Variants in NEO1 observed in about 807,000 individuals in gnomAD.
The protein encoded by NEO1 is neogenin 1.
Under a neutral mutation model 159.7 loss-of-function variants are expected in NEO1, and 63 were observed. That is an observed-to-expected ratio of 0.39 (90% confidence interval 0.32 to 0.49). The LOEUF (loss-of-function observed/expected upper bound fraction) is 0.49. Among genes scored for constraint, NEO1 ranks in the 20% least tolerant of loss-of-function variants. The pLI, the probability that NEO1 is intolerant of heterozygous loss-of-function variation, is 0.85. For missense variants in NEO1, 1,615 were observed against 1,831.0 expected, an observed-to-expected ratio of 0.88 and a Z score of 2.15; for synonymous variants, 633 against 662.0, an observed-to-expected ratio of 0.96 and a Z score of 0.67.
chr15:73,115,493 G>T (rs1339647541), intron 1 of NEO1, among the ~76,000 whole-genome samples: 3 of 152,150 alleles, frequency 2.0e-5, no homozygotes, highest in Non-Finnish European at 4.4e-5. Context: ...TTTCTTTAGA[G>T]GTGTTTGTTC....
chr15:73,225,406 A>G (rs1402092087), intron 7 of NEO1, among the ~76,000 whole-genome samples: 2 of 152,056 alleles, frequency 1.3e-5, no homozygotes, highest in Non-Finnish European at 2.9e-5. Context: ...CAGAGTGAGT[A>G]GGAAAGGACC....
At chr15:73,220,764 C>T (rs1485594584) in intron 7 of NEO1, among the ~76,000 whole-genome samples, 1 of 152,186 alleles carries the variant, frequency 6.6e-6, no homozygotes, top group Non-Finnish European at 1.5e-5. Flanking sequence ...TCGAGCCTTG[C>T]TTTCAGCTCC....
intron 26 of NEO1, among the ~76,000 whole-genome samples, chr15:73,294,830 G>A (rs746373811): frequency 2.9e-4 from 44 of 151,958 alleles, no homozygotes; most frequent in Non-Finnish European, 5.0e-4. Flanking sequence ...GTGAGCTACC[G>A]CGCCCGGTCC....
chr15:73,280,253 T>G (rs1231108843), intron 22 of NEO1, among the ~76,000 whole-genome samples: 1 of 150,546 alleles, frequency 6.6e-6, no homozygotes, highest in South Asian at 2.1e-4. Context: ...ACCACTGCAC[T>G]CCAGCCTGGG....
intron 7 of NEO1, among the ~76,000 whole-genome samples, chr15:73,231,416 G>A (rs1370730767): frequency 6.6e-6 from 1 of 152,058 alleles, no homozygotes; most frequent in Non-Finnish European, 1.5e-5. Flanking sequence ...GTTTGTCTGG[G>A]GCCTGCTTCC....
intron 5 of NEO1, among the ~76,000 whole-genome samples, chr15:73,152,986 A>G (rs1015720513): frequency 1.3e-5 from 2 of 152,172 alleles, no homozygotes; most frequent in Non-Finnish European, 2.9e-5. Flanking sequence ...GAGAAGTCCC[A>G]TGTTCTGCTG....
intron 12 of NEO1, 95 bp downstream of exon 12, chr15:73,253,544 A>G: frequency 1.3e-6 from 1 of 766,026 alleles, no homozygotes; most frequent in Non-Finnish European, 2.1e-6. Context: ...AAAGCATCAA[A>G]ATAAATGAAT....
chr15:73,161,856 A>G lies in NEO1; in HGVS notation c.1016-14547A>G, dbSNP rs188792210. On this transcript the variant is annotated intron_variant, in intron 5 of 28. Transcript: ENST00000261908. ...AAGCAATTCTTTATATAATTGACGA[A>G]CTTGGCTTCCACTTTGGGAAGAAAA... The G allele has an allele frequency of 7.7e-3, 1,730 of 223,434 alleles. 15 individuals are homozygous for G. Among genetic ancestry groups the G allele is most frequent in the Non-Finnish European group, 0.012 (1,296 of 109,756 alleles). 13.8% of individuals were successfully genotyped at this position (223,434 alleles called of 1,614,324 possible).
intron 8 of NEO1, among the ~76,000 whole-genome samples, chr15:73,238,600 T>C (rs917447794): frequency 6.6e-6 from 1 of 151,832 alleles, no homozygotes; most frequent in African/African-American, 2.4e-5. Context: ...GAAGAAAATA[T>C]AGAAATGATT....
intron 4 of NEO1, among the ~76,000 whole-genome samples, chr15:73,127,209 C>T (rs1596074349): frequency 1.3e-5 from 2 of 148,402 alleles, no homozygotes; most frequent in South Asian, 2.1e-4. Context: ...CTAGCCTGGG[C>T]GAGAGACCTA....
chr15:73,072,065 C>T (rs774357046), intron 1 of NEO1, among the ~76,000 whole-genome samples: 2 of 152,128 alleles, frequency 1.3e-5, no homozygotes, highest in Non-Finnish European at 2.9e-5. Context: ...ATTCTCCTGC[C>T]TCAGCCTCCT....
chr15:73,140,010 A>G (rs555953797), intron 5 of NEO1, among the ~76,000 whole-genome samples: 1 of 152,402 alleles, frequency 6.6e-6, no homozygotes, highest in Non-Finnish European at 1.5e-5. Context: ...AGACTTGAAC[A>G]TCGACCTGGA....
intron 9 of NEO1, among the ~76,000 whole-genome samples, chr15:73,245,800 C>A (rs1171141124): frequency 7.3e-5 from 11 of 151,160 alleles, no homozygotes; most frequent in Non-Finnish European, 1.6e-4. Flanking sequence ...CTAGGATGGT[C>A]TCAATCTCCT....
At chr15:73,208,462 G>A (rs2037357637) in intron 7 of NEO1, among the ~76,000 whole-genome samples, 1 of 152,120 alleles carries the variant, frequency 6.6e-6, no homozygotes. Context: ...CTAGTGTTTA[G>A]TAGAACTTTA....
intron 16 of NEO1, among the ~76,000 whole-genome samples, chr15:73,267,492 A>G (rs1245526306): frequency 6.7e-6 from 1 of 149,952 alleles, no homozygotes; most frequent in East Asian, 2.0e-4. Context: ...GCACCCATTA[A>G]CTCTTCATTT....
chr15:73,261,981 A>T (rs963577243), intron 15 of NEO1, among the ~76,000 whole-genome samples: 2 of 152,202 alleles, frequency 1.3e-5, no homozygotes, highest in South Asian at 4.1e-4. Context: ...GTATATAGTC[A>T]GTTGGTTTTT....
chr15:73,107,837 G>T (rs1045424981), intron 1 of NEO1, among the ~76,000 whole-genome samples: 1 of 152,158 alleles, frequency 6.6e-6, no homozygotes, highest in African/African-American at 2.4e-5. Context: ...TCAGTATTGG[G>T]TCTTACTCTT....
chr15:73,079,697 C>A (rs1339113488), intron 1 of NEO1, among the ~76,000 whole-genome samples: 1 of 152,092 alleles, frequency 6.6e-6, no homozygotes, highest in East Asian at 1.9e-4. Flanking sequence ...TGAATAGTTT[C>A]CCTTCAGAAA....
chr15:73,274,737 A>G lies in NEO1; in HGVS notation c.3193+13A>G, dbSNP rs750717914. The G allele has an allele frequency of 1.2e-6, 2 of 1,608,576 alleles. No individual in the cohort carries two copies. The highest frequency in any genetic ancestry group is 4.5e-5 in the East Asian group (2 of 44,804). ...CCTAATGATCAAGGTAAATGAGTAGATGGCCTCTCTTTTCTTTCCTTTCTT... is the reference window on the plus strand; with the variant it reads ...CCTAATGATCAAGGTAAATGAGTAGGTGGCCTCTCTTTTCTTTCCTTTCTT... On this transcript the variant is annotated intron_variant, in intron 21 of 28. Coordinates refer to ENST00000261908, the MANE Select transcript of NEO1 (RefSeq NM_002499.4).
Sources: allele counts gnomAD v4.1 joint callset (sites outside exome capture counted in the v4.1 genomes callset), GRCh38; gene constraint gnomAD v4.1.1; transcripts MANE v1.5; gene names NCBI Gene and HGNC (gene_info 2026-07-23, HGNC 2026-07-21).